Variants in TSPAN16 observed in about 807,000 individuals in gnomAD.
TSPAN16 encodes the protein tetraspanin-16.
In TSPAN16, 23 loss-of-function variants were observed where a neutral mutation model predicts 25.2. That is an observed-to-expected ratio of 0.91 (90% confidence interval 0.66 to 1.29). TSPAN16 has a LOEUF of 1.29. Among genes scored for constraint, TSPAN16 ranks in the 50% most tolerant of loss-of-function variants. The pLI, the probability that TSPAN16 is intolerant of heterozygous loss-of-function variation, is 0.00. For synonymous variants in TSPAN16, 123 were observed against 124.4 expected, an observed-to-expected ratio of 0.99 and a Z score of 0.08; for missense variants, 272 against 299.9, an observed-to-expected ratio of 0.91 and a Z score of 0.69.
rs897889856 is a variant in TSPAN16, at chr19:11,300,765, G to A, written c.343-436G>A. 4 of 159,748 alleles carry A rather than the reference G, an allele frequency of 2.5e-5. No individual in the cohort carries two copies. The East Asian group carries it at 5.1e-4, about 21-fold the overall frequency. 9.9% of individuals were successfully genotyped at this position (159,748 alleles called of 1,614,324 possible). On this transcript the variant is annotated intron_variant, in intron 3 of 6. Transcript: ENST00000590327. ...CCTGTGCATGTCAATTTCGAACCAC[G>A]TGCCTCTATCATCGCTTTGCAAAAG...
chr19:11,310,101 C>G (rs761360002), intron 5 of TSPAN16, among the ~76,000 whole-genome samples: 26 of 150,690 alleles, frequency 1.7e-4, no homozygotes, highest in Non-Finnish European at 2.8e-4. Context: ...GAGACCCAAT[C>G]TAAGAAAAAA....
chr19:11,299,646 T>G (rs745538112), intron 3 of TSPAN16, among the ~76,000 whole-genome samples: 1 of 152,218 alleles, frequency 6.6e-6, no homozygotes, highest in Non-Finnish European at 1.5e-5. Flanking sequence ...CACTTGCTGG[T>G]GTGCAGAATC....
chr19:11,308,764 C>T (rs1048087726), intron 5 of TSPAN16, among the ~76,000 whole-genome samples: 27 of 151,930 alleles, frequency 1.8e-4, no homozygotes, highest in Non-Finnish European at 2.8e-4. Flanking sequence ...TGAGCCACCG[C>T]GCCTGGCCTA....
At chr19:11,322,728 G>A (rs958021815) in intron 6 of TSPAN16, 1 of 152,144 alleles carries the variant, frequency 6.6e-6, no homozygotes, top group Non-Finnish European at 1.5e-5. Context: ...CAGCTCTCTC[G>A]GCTGCTACTT....
At chr19:11,296,791 C>T (rs555111918) in intron 1 of TSPAN16, among the ~76,000 whole-genome samples, 3 of 152,334 alleles carry the variant, frequency 2.0e-5, no homozygotes, top group South Asian at 2.1e-4. Flanking sequence ...GTAATCCCAA[C>T]GCTTTGGGAG....
At chr19:11,319,859 G>T (rs552287511), downstream of TSPAN16, among the ~76,000 whole-genome samples, 20 of 152,094 alleles carry the variant, frequency 1.3e-4, no homozygotes, top group South Asian at 3.9e-3. Context: ...CTGTCGCCCA[G>T]GCTGGAATGC....
chr19:11,314,622 C>A (rs1310898573), intron 6 of TSPAN16, among the ~76,000 whole-genome samples: 5 of 152,108 alleles, frequency 3.3e-5, no homozygotes, highest in African/African-American at 7.2e-5. Context: ...ATTCAGCCCC[C>A]AGATGGTCCA....
At chr19:11,316,244 G>C (rs942926513), downstream of TSPAN16, among the ~76,000 whole-genome samples, 2 of 151,584 alleles carry the variant, frequency 1.3e-5, no homozygotes, top group Non-Finnish European at 2.9e-5. Flanking sequence ...TCAGTCTCCC[G>C]AGTAGCTGGG....
chr19:11,301,365 C>T lies in TSPAN16; in HGVS notation c.450+57C>T, dbSNP rs145917435. The stretch of plus-strand genomic sequence containing the variant: ...TGTAAAGGTACACAACATGGGCGGG[C>T]GAAGTGGCTCACACCTGTAATCCCA... On this transcript the variant is annotated intron_variant, in intron 4 of 6. Coordinates refer to ENST00000590327, the MANE Select transcript of TSPAN16 (RefSeq NM_001282509.2). 2,537 of 1,356,756 alleles carry T rather than the reference C, an allele frequency of 1.9e-3. 35 individuals are homozygous for T. The East Asian group carries it at 0.027, about 15-fold the overall frequency. 84.0% of individuals were successfully genotyped at this position (1,356,756 alleles called of 1,614,324 possible).
downstream of TSPAN16, among the ~76,000 whole-genome samples, chr19:11,318,025 A>T (rs1230470780): frequency 6.6e-6 from 1 of 151,352 alleles, no homozygotes. Flanking sequence ...CTGATCTTTT[A>T]TTATTATTAT....
At chr19:11,320,260 T>C (rs2080770534), downstream of TSPAN16, among the ~76,000 whole-genome samples, 2 of 152,080 alleles carry the variant, frequency 1.3e-5, no homozygotes, top group Non-Finnish European at 2.9e-5. Context: ...TAGCTGGGAT[T>C]ACAGGCATGT....
chr19:11,302,678 T>TACATATATATATATATATATAC (rs2080574063), intron 4 of TSPAN16, among the ~76,000 whole-genome samples: 11 of 126,548 alleles, frequency 8.7e-5, no homozygotes, highest in Admixed American at 4.1e-4. Context: ...TATATATATA[T>TACATATATATATATATATATAC]ACACACACAC....
At chr19:11,310,133 G>A (rs898752433) in intron 5 of TSPAN16, among the ~76,000 whole-genome samples, 6 of 151,992 alleles carry the variant, frequency 3.9e-5, no homozygotes, top group African/African-American at 1.5e-4. Context: ...TGTGAAAGGG[G>A]GCACGGAACA....
rs1439026963 is a variant in TSPAN16 at position 11,298,312 on chromosome 19, T to A, written c.240T>A (p.Thr80=). ...GCTGTGCCGGGTGGTATGGAGCGAC[T>A]AAAGAGAGCAGAGGCACGCTCTTGT... ...LLGCAGWYGA[T]KESRGTLLFC... is the part of the protein sequence containing the mutation. The change falls in exon 2 of 7, where the codon ACT becomes ACA. Residue 80 remains threonine, a synonymous_variant. Coordinates refer to ENST00000590327, the MANE Select transcript of TSPAN16 (RefSeq NM_001282509.2). The A allele has an allele frequency of 3.7e-6, 6 of 1,614,090 alleles. No individual in the cohort carries two copies. The highest frequency in any genetic ancestry group is 4.2e-6 in the Non-Finnish European group (5 of 1,180,022).
At chr19:11,298,385 C>T (rs377665) in intron 2 of TSPAN16, 46 bp downstream of exon 2, 512,624 of 1,573,606 alleles carry the variant, frequency 0.33, 89,014 homozygotes, top group African/African-American at 0.68. Context: ...TCCCCACACA[C>T]ACAAATCTTT....
chr19:11,316,118 G>GTTT, downstream of TSPAN16: 8 of 106,048 alleles, frequency 7.5e-5, no homozygotes, highest in East Asian at 1.9e-4. Flanking sequence ...TGTGTGTGTG[G>GTTT]TTTTTTTTTT....
intron 4 of TSPAN16, 152 bp downstream of exon 4, chr19:11,301,460 T>G: frequency 1.8e-6 from 1 of 556,644 alleles, no homozygotes; most frequent in Non-Finnish European, 3.2e-6. Context: ...GCCAACATGG[T>G]GAAACCCCGT....
At position 11,306,708 on chromosome 19, in the gene TSPAN16, T is replaced by C. The variant is rs1568290653; in HGVS notation, c.555T>C (p.Ser185=). The change falls in exon 5 of 7, where the codon AGT becomes AGC. Residue 185 remains serine (S), a synonymous_variant. Transcript: ENST00000590327. ...GGAGTTGCTGTAAATCCATCGGAAG[T>C]GTGTCCTGTGACGGACGCGATGTGT... The part of the protein sequence containing the change: ...YPRSCCKSIG[S]VSCDGRDVSP... 1.2e-6 allele frequency: 2 copies of C among 1,614,122 alleles called. No individual in the cohort carries two copies. Among genetic ancestry groups the C allele is most frequent in the Non-Finnish European group, 1.7e-6 (2 of 1,180,042 alleles).
chr19:11,302,528 CAAAAAAAAA>C (rs71164181), intron 4 of TSPAN16, among the ~76,000 whole-genome samples: 11 of 49,272 alleles, frequency 2.2e-4, no homozygotes, highest in Non-Finnish European at 3.3e-4. Context: ...GGCTCCATCT[CAAAAAAAAA>C]AAAAAAAAAA....
Sources: gnomAD v4.1 joint callset for allele counts (sites outside exome capture counted in the v4.1 genomes callset) on GRCh38, gnomAD v4.1.1 for gene constraint, MANE v1.5 for transcripts, NCBI Gene and HGNC (gene_info 2026-07-23, HGNC 2026-07-21) for gene names.